RBMS3: variants seen among roughly 807,000 people sequenced by gnomAD.
RBMS3 encodes RNA binding motif single stranded interacting protein 3.
In RBMS3, 27 loss-of-function variants were observed where a neutral mutation model predicts 66.8. That is an observed-to-expected ratio of 0.40 (90% CI 0.30 to 0.56). The LOEUF (loss-of-function observed/expected upper bound fraction) is 0.56, where lower values mean the gene tolerates loss of function less well. Among genes scored for constraint, RBMS3 ranks in the 20% least tolerant of loss-of-function variants. The pLI is 0.40. For missense variants in RBMS3, 513 were observed against 549.5 expected, an observed-to-expected ratio of 0.93 and a Z score of 0.66; for synonymous variants, 188 against 183.0, an observed-to-expected ratio of 1.03 and a Z score of -0.22.
At position 29,412,151 on chromosome 3, in the gene RBMS3, C is replaced by T. The variant is rs543784817; in HGVS notation, c.76-22592C>T. 2.6e-5 allele frequency among the ~76,000 whole-genome samples: 4 copies of T among 152,294 alleles called. No homozygotes were observed. The East Asian group carries it at 5.8e-4, about 22-fold the overall frequency. On this transcript the variant is annotated intron_variant, in intron 1 of 14. Coordinates refer to ENST00000383767, the MANE Select transcript of RBMS3 (RefSeq NM_001003793.3). ...TGTAACAGGCAAAATTCACTTTGTA[C>T]ATATATAGTGAGACCAAAAATAAGG... is the stretch of plus-strand genomic sequence containing the variant.
At chr3:29,476,471 C>T (rs1028641548) in intron 2 of RBMS3, among the ~76,000 whole-genome samples, 16 of 152,266 alleles carry the variant, frequency 1.1e-4, no homozygotes, top group African/African-American at 3.6e-4. Flanking sequence ...ACTACACCAT[C>T]GATTTATGCG....
At chr3:29,430,184 G>T (rs1180934774) in intron 1 of RBMS3, among the ~76,000 whole-genome samples, 6 of 151,764 alleles carry the variant, frequency 4.0e-5, no homozygotes, top group African/African-American at 1.5e-4. Context: ...AATGCTGACC[G>T]CTACCTGAAT....
At chr3:29,438,452 A>G (rs1021068929) in intron 2 of RBMS3, among the ~76,000 whole-genome samples, 2 of 152,138 alleles carry the variant, frequency 1.3e-5, no homozygotes, top group African/African-American at 4.8e-5. Context: ...TTAAAGAAAA[A>G]GAAATTGCAT....
intron 2 of RBMS3, among the ~76,000 whole-genome samples, chr3:29,455,765 G>T (rs11129367): frequency 0.62 from 93,517 of 151,164 alleles, 30,191 homozygotes; most frequent in African/African-American, 0.79. Context: ...ACCACTACAC[G>T]TGGGGACCAT....
At chr3:29,473,364 T>C (rs1051201337) in intron 2 of RBMS3, among the ~76,000 whole-genome samples, 7 of 152,248 alleles carry the variant, frequency 4.6e-5, no homozygotes, top group African/African-American at 1.2e-4. Context: ...AGAGTATCGA[T>C]TGGTGCATTC....
chr3:29,744,241 C>T (rs2054774114), intron 5 of RBMS3, among the ~76,000 whole-genome samples: 1 of 152,038 alleles, frequency 6.6e-6, no homozygotes, highest in Admixed American at 6.5e-5. Context: ...TATATCTGTC[C>T]AGTACTTAGA....
intron 3 of RBMS3, among the ~76,000 whole-genome samples, chr3:29,499,860 G>A (rs1213634820): frequency 1.3e-5 from 2 of 152,192 alleles, no homozygotes; most frequent in South Asian, 2.1e-4. Flanking sequence ...TGAAACAAAC[G>A]ATTTTAGGGA....
At position 29,837,663 on chromosome 3, in the gene RBMS3, CATATATATATATATATATATATATATAT is replaced by C. The variant is rs3070797; in HGVS notation, c.638-31178_638-31151del. Reference sequence around the variant, plus strand: ...ATAATGAACATATATATATAATGAACATATATATATATATATATATATATATATATATATATATATATATGCTTATTAG... The same window carrying C: ...ATAATGAACATATATATATAATGAACATATATATATATATATGCTTATTAG... On this transcript the variant is annotated intron_variant, in intron 6 of 14. Transcript: ENST00000383767. Among the ~76,000 whole-genome samples, 116 of 67,666 alleles carry C rather than the reference CATATATATATATATATATATATATATAT, an allele frequency of 1.7e-3. No individual in the cohort carries two copies. The East Asian group carries it at 0.048, about 28-fold the overall frequency. 44.4% of individuals were successfully genotyped at this position (67,666 alleles called of 152,430 possible).
chr3:29,868,782 C>T (rs1028721374), intron 6 of RBMS3, 76 bp from the exon 7 acceptor site: 1 of 1,218,556 alleles, frequency 8.2e-7, no homozygotes, highest in Admixed American at 2.1e-5. Flanking sequence ...CATTACAAAG[C>T]ACTACTGTGA....
intron 14 of RBMS3, among the ~76,000 whole-genome samples, chr3:29,995,380 C>A (rs1263512059): frequency 6.6e-6 from 1 of 152,302 alleles, no homozygotes; most frequent in South Asian, 2.1e-4. Flanking sequence ...TCTAGCAAGG[C>A]AGGCCAACGT....
At position 30,006,551 on chromosome 3, in the gene RBMS3, T is replaced by TTAAG. The variant is rs1699807065; in HGVS notation, c.*2691_*2694dup. ...TTCCCATGCATTATAAAGGTGGCAC[T>TTAAG]TAAGTTTTTATCTTTGAAAAGTGGG... On this transcript the variant is annotated 3_prime_UTR_variant, in exon 15 of 15. Transcript: ENST00000383767. 6.6e-6 allele frequency: 1 copy of TTAAG among 151,968 alleles called. No individual in the cohort carries two copies. The highest frequency in any genetic ancestry group is 6.6e-5 in the Admixed American group (1 of 15,244). 9.4% of individuals were successfully genotyped at this position (151,968 alleles called of 1,614,324 possible).
At chr3:29,896,024 G>A (rs2060117112) in intron 8 of RBMS3, among the ~76,000 whole-genome samples, 1 of 151,340 alleles carries the variant, frequency 6.6e-6, no homozygotes, top group Non-Finnish European at 1.5e-5. Flanking sequence ...TAGTAAGAAT[G>A]TAATGTATGA....
intron 10 of RBMS3, among the ~76,000 whole-genome samples, chr3:29,902,069 A>T (rs1012132148): frequency 1.3e-5 from 2 of 152,006 alleles, no homozygotes; most frequent in South Asian, 4.1e-4. Flanking sequence ...AGAAGAATTA[A>T]TGAGGAACTT....
At chr3:29,822,178 T>G (rs2149476349) in intron 6 of RBMS3, among the ~76,000 whole-genome samples, 1 of 152,300 alleles carries the variant, frequency 6.6e-6, no homozygotes. Flanking sequence ...ACTTCATCCT[T>G]CAGAACACTC....
At chr3:29,783,135 A>G (rs1247481631) in intron 6 of RBMS3, among the ~76,000 whole-genome samples, 1 of 152,218 alleles carries the variant, frequency 6.6e-6, no homozygotes, top group East Asian at 1.9e-4. Flanking sequence ...TGAGGGAATA[A>G]TCCAGGAAAA....
chr3:29,468,623 T>G (rs1051449216), intron 2 of RBMS3, among the ~76,000 whole-genome samples: 9 of 152,164 alleles, frequency 5.9e-5, no homozygotes, highest in African/African-American at 2.2e-4. Context: ...ACCGAAAACA[T>G]GGTTTTATTT....
At chr3:29,981,172 G>A (rs956101213) in intron 12 of RBMS3, among the ~76,000 whole-genome samples, 1 of 152,012 alleles carries the variant, frequency 6.6e-6, no homozygotes, top group Admixed American at 6.6e-5. Context: ...TGTATTCCTA[G>A]GTATTTTATT....
At position 29,855,960 on chromosome 3, in the gene RBMS3, T is replaced by TA. The variant is rs568383224; in HGVS notation, c.638-12891dup. On this transcript the variant is annotated intron_variant, in intron 6 of 14. Transcript: ENST00000383767. ...TATACTCGAGAGACATTTAAATTGT[T>TA]AAAAAAAGGCATATAAATAAATGAG... Among the ~76,000 whole-genome samples the TA allele has an allele frequency of 5.0e-3, 757 of 152,140 alleles. 9 individuals are homozygous for TA. The highest frequency in any genetic ancestry group is 0.017 in the African/African-American group (709 of 41,522).
At chr3:29,978,384 T>C (rs1697739590) in intron 12 of RBMS3, among the ~76,000 whole-genome samples, 2 of 152,156 alleles carry the variant, frequency 1.3e-5, no homozygotes, top group African/African-American at 4.8e-5. Context: ...CATTGATTAG[T>C]TTAAAATAAC....
Sources: gnomAD v4.1 joint callset for allele counts (sites outside exome capture counted in the v4.1 genomes callset) on GRCh38, gnomAD v4.1.1 for gene constraint, MANE v1.5 for transcripts, NCBI Gene and HGNC (gene_info 2026-07-23, HGNC 2026-07-21) for gene names.